The following UVSSA variants were observed in gnomAD, a reference collection of about 807,000 sequenced individuals.
The protein encoded by UVSSA is UV stimulated scaffold protein A, also known as UV-stimulated scaffold protein A.
UVSSA carries 72 observed loss-of-function variants against 73.9 expected under a neutral mutation model. The observed-to-expected ratio is 0.97, with a 90% CI of 0.81 to 1.19. The LOEUF (loss-of-function observed/expected upper bound fraction) is 1.19, where lower values mean the gene tolerates loss of function less well. Among genes scored for constraint, UVSSA ranks in the 50% most tolerant of loss-of-function variants. The pLI, the probability that UVSSA is intolerant of heterozygous loss-of-function variation, is 0.00. For missense variants in UVSSA, 1,150 were observed against 965.0 expected, an observed-to-expected ratio of 1.19 and a Z score of -2.54; for synonymous variants, 454 against 391.3, an observed-to-expected ratio of 1.16 and a Z score of -1.89.
At chr4:1,353,534 T>C (rs1025189992) in intron 5 of UVSSA, 121 bp downstream of exon 5, 2 of 1,323,552 alleles carry the variant, frequency 1.5e-6, no homozygotes, top group African/African-American at 3.0e-5. Flanking sequence ...GGGAGCTAGG[T>C]CAGGGGTCAC....
At chr4:1,384,207 T>C in intron 13 of UVSSA, 1 of 487,416 alleles carries the variant, frequency 2.1e-6, no homozygotes, top group Non-Finnish European at 3.7e-6. Context: ...CATCCTCGCT[T>C]CCTGGGGGAG....
exon 14 of UVSSA, chr4:1,395,954 A>G: frequency 6.6e-7 from 1 of 1,505,726 alleles, no homozygotes; most frequent in Non-Finnish European, 8.9e-7. Flanking sequence ...CTTTTAATGA[A>G]TTTTCATGGA....
At chr4:1,346,932 G>T (rs1347986209), upstream of UVSSA, among the ~76,000 whole-genome samples, 1 of 152,230 alleles carries the variant, frequency 6.6e-6, no homozygotes, top group Admixed American at 6.5e-5. Flanking sequence ...CCGGGAGCGC[G>T]CCTACGTCAC....
intron 7 of UVSSA, among the ~76,000 whole-genome samples, chr4:1,362,157 T>C (rs1197162575): frequency 6.6e-6 from 1 of 152,210 alleles, no homozygotes; most frequent in Non-Finnish European, 1.5e-5. Flanking sequence ...GAGGCTCATT[T>C]TTCTAAATCC....
intron 12 of UVSSA, among the ~76,000 whole-genome samples, chr4:1,383,072 G>A (rs370090279): frequency 3.3e-4 from 51 of 152,316 alleles, no homozygotes; most frequent in African/African-American, 9.9e-4. Context: ...CCATCTGCAC[G>A]GTGGGTACTC....
intron 5 of UVSSA, 62 bp downstream of exon 5, chr4:1,353,475 C>T: frequency 7.0e-7 from 1 of 1,432,930 alleles, no homozygotes; most frequent in Non-Finnish European, 9.1e-7. Flanking sequence ...TAGGCTCCTC[C>T]CTCACTGGCA....
chr4:1,355,329 CTGTG>C, intron 7 of UVSSA, 84 bp downstream of exon 7: 2 of 1,397,800 alleles, frequency 1.4e-6, no homozygotes, highest in Non-Finnish European at 2.0e-6. Context: ...TGCCCTGGGC[CTGTG>C]GGCCCGGCGG....
chr4:1,377,042 G>A (rs1378930032), intron 10 of UVSSA, among the ~76,000 whole-genome samples: 1 of 152,224 alleles, frequency 6.6e-6, no homozygotes, highest in Non-Finnish European at 1.5e-5. Flanking sequence ...TGCAAACACC[G>A]TAACCACTAA....
At chr4:1,389,242 C>G (rs1720344786), downstream of UVSSA, 1 of 152,224 alleles carries the variant, frequency 6.6e-6, no homozygotes, top group African/African-American at 2.4e-5. Flanking sequence ...GTTGCCCAGG[C>G]TGGAGTGCAG....
rs759483900 is a variant in UVSSA at position 1,349,618 on chromosome 4, G to T, written c.193G>T (p.Val65Leu). Reference sequence around the variant, plus strand: ...GATCCGTCTCTCAGCCTTCCAGATTGTGGAGGAACTCTTCGTCAGGTCTCA... The same window carrying T: ...GATCCGTCTCTCAGCCTTCCAGATTTTGGAGGAACTCTTCGTCAGGTCTCA... ...AEIRLSAFQI[V>L]EELFVRSHQF... Residue 65 changes from valine to leucine, a missense_variant, in exon 3 of 14, where the codon GTG becomes TTG. Coordinates refer to ENST00000389851, the MANE Select transcript of UVSSA (RefSeq NM_020894.4). The T allele has an allele frequency of 6.2e-7, 1 of 1,613,988 alleles. No individual in the cohort carries two copies. The highest frequency in any genetic ancestry group is 1.3e-5 in the African/African-American group (1 of 74,916).
intron 5 of UVSSA, chr4:1,354,401 G>A (rs1715323784): frequency 2.9e-6 from 1 of 340,890 alleles, no homozygotes; most frequent in South Asian, 2.9e-5. Flanking sequence ...CTGTGGAGGG[G>A]AAGGTTCTGT....
intron 7 of UVSSA, among the ~76,000 whole-genome samples, chr4:1,365,905 A>G (rs1429749037): frequency 6.6e-6 from 1 of 151,058 alleles, no homozygotes; most frequent in African/African-American, 2.4e-5. Flanking sequence ...ACCTGGTGAG[A>G]AGATAACTGC....
At chr4:1,353,440 GC>G (rs753056861) in intron 5 of UVSSA, 27 bp downstream of exon 5, 11 of 1,454,186 alleles carry the variant, frequency 7.6e-6, no homozygotes, top group Non-Finnish European at 8.2e-6. Context: ...GGTCTCTGTG[GC>G]GCCACCCTGC....
In UVSSA at chr4:1,353,116, G is replaced by A. The variant is rs1715050795; in HGVS notation, c.637G>A (p.Glu213Lys). ...GCCTTTTGACTTTGACCCGAACCCGGAGACGGAATCCCTTGGCATGGCTTC... is the reference window on the plus strand; with the variant it reads ...GCCTTTTGACTTTGACCCGAACCCGAAGACGGAATCCCTTGGCATGGCTTC... ...LVPFDFDPNP[E>K]TESLGMASGM... The change falls in exon 5 of 14, where the codon GAG becomes AAG. Residue 213 changes from glutamate to lysine, a missense_variant. Coordinates refer to ENST00000389851, the MANE Select transcript of UVSSA (RefSeq NM_020894.4). The A allele has an allele frequency of 6.2e-7, 1 of 1,613,074 alleles. No individual in the cohort carries two copies. The highest frequency in any genetic ancestry group is 2.2e-5 in the East Asian group (1 of 44,880).
At position 1,351,828 on chromosome 4, in the gene UVSSA, G is replaced by A; in HGVS notation, c.543G>A (p.Glu181=). ...AAAGAGCCAGCCAGGCGGAGAGGGAGATGCAAGGCAAGTGTCCAGGACGGA... is the reference window on the plus strand; with the variant it reads ...AAAGAGCCAGCCAGGCGGAGAGGGAAATGCAAGGCAAGTGTCCAGGACGGA... ...YQERASQAER[E]MQEMSGEIES... The change falls in exon 4 of 14, where the codon GAG becomes GAA. Residue 181 remains glutamate, a synonymous_variant. Coordinates refer to ENST00000389851, the MANE Select transcript of UVSSA (RefSeq NM_020894.4). 6.2e-7 allele frequency: 1 copy of A among 1,613,280 alleles called. No individual in the cohort carries two copies. Among genetic ancestry groups the A allele is most frequent in the South Asian group, 1.1e-5 (1 of 91,082 alleles).
At chr4:1,358,733 G>A (rs1383659834) in intron 7 of UVSSA, among the ~76,000 whole-genome samples, 1 of 152,254 alleles carries the variant, frequency 6.6e-6, no homozygotes, top group African/African-American at 2.4e-5. Context: ...TATGGACGAG[G>A]TGCTCCTCGT....
chr4:1,375,491 T>C lies in UVSSA; in HGVS notation c.1416T>C (p.Pro472=). ...AQLRQLRDHL[P]PPSSASPSRA... is the part of the protein sequence containing the mutation. ...TGCGGCAGCTCCGGGACCACTTGCC[T>C]CCACCCTCATCTGCCAGGTGACTCC... Residue 472 remains proline (P), a synonymous_variant, in exon 9 of 14, where the codon CCT becomes CCC. Transcript: ENST00000389851. 1 of 1,610,818 alleles carries C rather than the reference T, an allele frequency of 6.2e-7. No homozygotes were observed. Among genetic ancestry groups the C allele is most frequent in the South Asian group, 1.1e-5 (1 of 91,070 alleles).
At position 1,383,084 on chromosome 4, in the gene UVSSA, C is replaced by T. The variant is rs1004513836; in HGVS notation, c.1862-682C>T. On this transcript the variant is annotated intron_variant, in intron 12 of 13. Coordinates refer to ENST00000389851, the MANE Select transcript of UVSSA (RefSeq NM_020894.4). ...GTGCCATCTGCACGGTGGGTACTCTCAGCCTGGGAGGCTGCCCAGTGGGGC... is the reference window on the plus strand; with the variant it reads ...GTGCCATCTGCACGGTGGGTACTCTTAGCCTGGGAGGCTGCCCAGTGGGGC... Among the ~76,000 whole-genome samples, 14 of 152,336 alleles carry T rather than the reference C, an allele frequency of 9.2e-5. 2 individuals carry two copies. Among genetic ancestry groups the T allele is most frequent in the East Asian group, 3.9e-4 (2 of 5,174 alleles).
In UVSSA at chr4:1,359,645, A is replaced by G. The variant is rs550726934; in HGVS notation, c.1176+4400A>G. Among the ~76,000 whole-genome samples the G allele has an allele frequency of 3.9e-5, 6 of 152,080 alleles. No homozygotes were observed. The East Asian group carries it at 1.2e-3, about 29-fold the overall frequency. On this transcript the variant is annotated intron_variant, in intron 7 of 13. Transcript: ENST00000389851. ...TTTGTTTTTGTTCTCGCCGATGTTG[A>G]GTCTGATGTGGCAGCCACATGGGTT...
Sources: gnomAD v4.1 joint callset for allele counts (sites outside exome capture counted in the v4.1 genomes callset) on GRCh38, gnomAD v4.1.1 for gene constraint, MANE v1.5 for transcripts, NCBI Gene and HGNC (gene_info 2026-07-23, HGNC 2026-07-21) for gene names.